Variants in SCUBE2 observed in about 807,000 individuals in gnomAD.
The protein encoded by SCUBE2 is signal peptide, CUB domain and EGF like domain containing 2.
A neutral mutation model predicts 125.9 loss-of-function variants in SCUBE2; 114 were observed. The observed-to-expected ratio is 0.91, with a 90% confidence interval of 0.78 to 1.06. The LOEUF (loss-of-function observed/expected upper bound fraction) is 1.06, where lower values mean the gene tolerates loss of function less well. Ranked by LOEUF, SCUBE2 falls within the 50% of genes least tolerant of loss-of-function variation. The pLI is 0.00. For synonymous variants in SCUBE2, 459 were observed against 492.9 expected, an observed-to-expected ratio of 0.93 and a Z score of 0.91; for missense variants, 1,255 against 1,301.8, an observed-to-expected ratio of 0.96 and a Z score of 0.55.
chr11:9,070,015 G>A lies in SCUBE2; in HGVS notation c.518-520C>T, dbSNP rs532969625. The stretch of plus-strand genomic sequence containing the variant: ...GTGACTGTGGCATTTTGGCATCCTC[G>A]TACGGGCCACATGCCCCGGGATCTG... On this transcript the variant is annotated intron_variant, in intron 4 of 22. Transcript: ENST00000649792. Among the ~76,000 whole-genome samples the A allele has an allele frequency of 4.8e-4, 73 of 152,172 alleles. 1 individual carries two copies. The highest frequency in any genetic ancestry group is 1.6e-3 in the African/African-American group (65 of 41,510).
At chr11:9,049,661 C>T (rs1303076478) in intron 14 of SCUBE2, among the ~76,000 whole-genome samples, 7 of 152,148 alleles carry the variant, frequency 4.6e-5, no homozygotes, top group African/African-American at 1.7e-4. Context: ...CCATGCCTCC[C>T]ACCCAGATGT....
rs759295611 is a variant in SCUBE2, at chr11:9,091,447, G to A, written c.82C>T (p.Leu28=). ...LLLLLPPLLL[L]AGAVPPGRGR... Reference sequence around the variant, plus strand: ...CGACCCGGCGGGACGGCCCCCGCCAGCAGCAGCAGTGGCGGCAGCAGCAGC... The same window carrying A: ...CGACCCGGCGGGACGGCCCCCGCCAACAGCAGCAGTGGCGGCAGCAGCAGC... Residue 28 remains leucine (L), a synonymous_variant, in exon 1 of 23, where the codon CTG becomes TTG. Transcript: ENST00000649792. This position sits in a 1 kb window ranked among gnomAD's most constrained non-coding sequence, Gnocchi z 8.5. 1.5e-6 allele frequency: 2 copies of A among 1,319,498 alleles called. No homozygotes were observed. Among genetic ancestry groups the A allele is most frequent in the South Asian group, 1.9e-5 (1 of 53,758 alleles). The allele number at this position is 1,319,498 out of a possible 1,614,324, so 81.7% of individuals were successfully genotyped here.
chr11:9,069,230 G>C, intron 5 of SCUBE2, 140 bp downstream of exon 5: 1 of 995,950 alleles, frequency 1.0e-6, no homozygotes, highest in Non-Finnish European at 1.5e-6. Context: ...CAAGTACTTG[G>C]TAGAGGTCGG....
At chr11:9,022,734 T>C (rs1159083522) in intron 21 of SCUBE2, 1 of 152,748 alleles carries the variant, frequency 6.5e-6, no homozygotes, top group Non-Finnish European at 1.5e-5. Flanking sequence ...TGAGGCTTCT[T>C]TGCTTTTCTT....
At position 9,091,367 on chromosome 11, in the gene SCUBE2, C is replaced by T; in HGVS notation, c.133+29G>A. 1 of 1,299,262 alleles carries T rather than the reference C, an allele frequency of 7.7e-7. No homozygotes were observed. The highest frequency in any genetic ancestry group is 9.7e-7 in the Non-Finnish European group (1 of 1,028,126). The allele number at this position is 1,299,262 out of a possible 1,614,324, so 80.5% of individuals were successfully genotyped here. On this transcript the variant is annotated intron_variant, in intron 1 of 22. Coordinates refer to ENST00000649792, the MANE Select transcript of SCUBE2 (RefSeq NM_001367977.2). This position sits in a 1 kb window ranked among gnomAD's most constrained non-coding sequence, Gnocchi z 8.5. ...CTCTTCCTGGCCCTGCCTGCTGTGC[C>T]AGGTGCGCCCCCGCGGCCGGACACT...
chr11:9,025,639 G>A, intron 21 of SCUBE2, 63 bp downstream of exon 21: 1 of 1,564,062 alleles, frequency 6.4e-7, no homozygotes, highest in Non-Finnish European at 8.7e-7. Flanking sequence ...TTGCCAGCTG[G>A]CTCCGAAGTT....
rs1214910305 is a variant in SCUBE2, at chr11:9,027,580, C to CGAGT, written c.2504-23_2504-20dup. 1.2e-6 allele frequency: 2 copies of CGAGT among 1,603,008 alleles called. No individual in the cohort carries two copies. The highest frequency in any genetic ancestry group is 2.7e-5 in the African/African-American group (2 of 74,782). On this transcript the variant is annotated intron_variant, in intron 19 of 22. Coordinates refer to ENST00000649792, the MANE Select transcript of SCUBE2 (RefSeq NM_001367977.2). The stretch of plus-strand genomic sequence containing the variant: ...CTTCTGTCTGAAAAAGGAGATGCCC[C>CGAGT]GAGTTATGGCACGACACTGTCATCT...
At chr11:9,021,367 ATTAG>A (rs1343321589) in intron 22 of SCUBE2, among the ~76,000 whole-genome samples, 170 bp from the exon 23 acceptor site, 1 of 152,130 alleles carries the variant, frequency 6.6e-6, no homozygotes, top group Non-Finnish European at 1.5e-5. Flanking sequence ...ATTTTTCCTA[ATTAG>A]TTTTAAGAAG....
chr11:9,054,714 TATATATATATA>T (rs1484985785), intron 10 of SCUBE2, among the ~76,000 whole-genome samples: 1 of 78,832 alleles, frequency 1.3e-5, no homozygotes, highest in East Asian at 3.9e-4. Flanking sequence ...TATATATATA[TATATATATATA>T]TTTTTTTTTT....
chr11:9,034,074 C>T (rs1479022955), intron 16 of SCUBE2, among the ~76,000 whole-genome samples: 1 of 152,214 alleles, frequency 6.6e-6, no homozygotes, highest in African/African-American at 2.4e-5. Context: ...TTTTGTAGCA[C>T]AAGCACTTGA....
intron 7 of SCUBE2, among the ~76,000 whole-genome samples, chr11:9,064,132 A>G (rs926134293): frequency 6.6e-6 from 1 of 152,140 alleles, no homozygotes; most frequent in Non-Finnish European, 1.5e-5. Context: ...GTCTTTCATA[A>G]TAGGAAGTTA....
At chr11:9,026,808 T>G (rs1246830733) in intron 20 of SCUBE2, 1 of 157,652 alleles carries the variant, frequency 6.3e-6, no homozygotes, top group Admixed American at 6.1e-5. Flanking sequence ...TTTTAACAGA[T>G]GAGAAGACAA....
At chr11:9,049,143 G>A (rs1858094542) in intron 14 of SCUBE2, among the ~76,000 whole-genome samples, 1 of 152,088 alleles carries the variant, frequency 6.6e-6, no homozygotes, top group South Asian at 2.1e-4. Flanking sequence ...CCTTCACTCA[G>A]TCTCCCCTAA....
chr11:9,036,763 C>CT (rs1471157188), intron 16 of SCUBE2, among the ~76,000 whole-genome samples: 1 of 152,212 alleles, frequency 6.6e-6, no homozygotes, highest in Non-Finnish European at 1.5e-5. Context: ...TGCTGCTCTG[C>CT]TGTCCCTGCT....
At chr11:9,073,203 T>A (rs781145838) in intron 4 of SCUBE2, among the ~76,000 whole-genome samples, 1 of 152,174 alleles carries the variant, frequency 6.6e-6, no homozygotes, top group Non-Finnish European at 1.5e-5. Flanking sequence ...TTGGCCTACA[T>A]TGGACAAGAG....
intron 7 of SCUBE2, among the ~76,000 whole-genome samples, chr11:9,063,218 C>G (rs1331194366): frequency 6.6e-6 from 1 of 151,918 alleles, no homozygotes; most frequent in Non-Finnish European, 1.5e-5. Flanking sequence ...TGGACTCCAG[C>G]CTGGGCGACA....
At chr11:9,024,142 T>C (rs746546916) in intron 21 of SCUBE2, 11 of 959,264 alleles carry the variant, frequency 1.1e-5, no homozygotes, top group African/African-American at 3.4e-5. Flanking sequence ...TTTTCCCCAG[T>C]TGGAGCTACA....
chr11:9,052,687 G>C, intron 13 of SCUBE2, 59 bp downstream of exon 13: 1 of 1,264,396 alleles, frequency 7.9e-7, no homozygotes, highest in Non-Finnish European at 1.1e-6. Context: ...AGCACCCCGT[G>C]AATGAAGCCC....
chr11:9,080,242 T>C (rs1472415788), intron 2 of SCUBE2, among the ~76,000 whole-genome samples: 2 of 152,208 alleles, frequency 1.3e-5, no homozygotes, highest in East Asian at 1.9e-4. Context: ...GATATCCATA[T>C]TCAAAAAGAT....
Sources: allele counts gnomAD v4.1 joint callset (sites outside exome capture counted in the v4.1 genomes callset), GRCh38; gene constraint gnomAD v4.1.1; non-coding constraint Gnocchi (gnomAD v3.1); transcripts MANE v1.5; gene names NCBI Gene and HGNC (gene_info 2026-07-23, HGNC 2026-07-21).